C2orf92: variants seen among roughly 807,000 people sequenced by gnomAD.
C2orf92 encodes uncharacterized protein C2orf92.
At chr2:97,665,482 G>A (rs901111875), upstream of C2orf92, among the ~76,000 whole-genome samples, 1 of 152,016 alleles carries the variant, frequency 6.6e-6, no homozygotes, top group East Asian at 1.9e-4. Flanking sequence ...TTTATTGAAA[G>A]CTACTCAGTT....
chr2:97,693,226 CTGT>C (rs1372888324), intron 5 of C2orf92, among the ~76,000 whole-genome samples: 2 of 152,068 alleles, frequency 1.3e-5, no homozygotes, highest in South Asian at 2.1e-4. Flanking sequence ...ATCCATTTAT[CTGT>C]TGTTGGACAC....
exon 1 of C2orf92, chr2:97,664,399 C>G (rs932240588): frequency 2.0e-5 from 3 of 152,192 alleles, no homozygotes; most frequent in African/African-American, 7.2e-5. Context: ...CACGCTCCTT[C>G]GTGAGAGCGC....
chr2:97,699,800 T>C (rs1170163346), intron 6 of C2orf92, among the ~76,000 whole-genome samples: 3 of 152,218 alleles, frequency 2.0e-5, no homozygotes, highest in Non-Finnish European at 4.4e-5. Context: ...TGCCACTCCC[T>C]GTCAAAATTA....
chr2:97,670,574 A>G (rs1421537163), intron 1 of C2orf92: 1 of 151,902 alleles, frequency 6.6e-6, no homozygotes, highest in African/African-American at 2.4e-5. Flanking sequence ...ATTTATTGTT[A>G]TTATTTTTGA....
intron 3 of C2orf92, chr2:97,677,845 A>G (rs1417340208): frequency 6.6e-6 from 1 of 152,232 alleles, no homozygotes; most frequent in East Asian, 1.9e-4. Flanking sequence ...CAATGTATAA[A>G]TAAAATAATA....
At chr2:97,670,059 AG>A (rs1415494701) in intron 1 of C2orf92, 1 of 383,168 alleles carries the variant, frequency 2.6e-6, no homozygotes, top group Non-Finnish European at 4.6e-6. Context: ...GCTCTATAGG[AG>A]GGTGGCATAC....
upstream of C2orf92, chr2:97,666,833 ACT>A (rs1675247173): frequency 8.0e-6 from 1 of 124,954 alleles, no homozygotes; most frequent in South Asian, 2.5e-4. Flanking sequence ...ACAGAGCCAG[ACT>A]CTGTCTCAAA....
chr2:97,696,130 G>T (rs1039117589), intron 5 of C2orf92, among the ~76,000 whole-genome samples: 2 of 152,140 alleles, frequency 1.3e-5, no homozygotes, highest in African/African-American at 4.8e-5. Context: ...CAATCTAATC[G>T]GTAAATAACT....
At chr2:97,678,850 C>T (rs1325871579) in intron 3 of C2orf92, among the ~76,000 whole-genome samples, 3 of 149,160 alleles carry the variant, frequency 2.0e-5, no homozygotes, top group Admixed American at 6.7e-5. Context: ...TGATGGTGCA[C>T]ACCTGTAGTC....
At chr2:97,698,898 T>C (rs1318391158) in intron 5 of C2orf92, 128 bp from the exon 6 acceptor site, 3 of 394,614 alleles carry the variant, frequency 7.6e-6, no homozygotes, top group South Asian at 1.4e-4. Flanking sequence ...CTGTAGGACA[T>C]TTAGACTTTT....
At chr2:97,674,246 C>T (rs1258213278) in intron 1 of C2orf92, 7 of 367,476 alleles carry the variant, frequency 1.9e-5, no homozygotes, top group Non-Finnish European at 1.5e-5. Context: ...CTTTAGTGGG[C>T]GGTGTTTGCT....
intron 1 of C2orf92, chr2:97,671,591 G>C (rs1675413682): frequency 5.0e-6 from 2 of 398,120 alleles, no homozygotes; most frequent in Non-Finnish European, 8.9e-6. Flanking sequence ...TGTTCCCGCT[G>C]CTGTGAAGGG....
intron 3 of C2orf92, among the ~76,000 whole-genome samples, chr2:97,680,057 T>C (rs1675714872): frequency 6.6e-6 from 1 of 152,088 alleles, no homozygotes; most frequent in South Asian, 2.1e-4. Context: ...CCCAGTACTT[T>C]GGGAAGCCAA....
chr2:97,679,837 C>CAAAAAAAAAAAAAAAA (rs55696146), intron 3 of C2orf92, among the ~76,000 whole-genome samples: 12 of 94,616 alleles, frequency 1.3e-4, no homozygotes, highest in Non-Finnish European at 1.9e-4. Flanking sequence ...AACTCTATCT[C>CAAAAAAAAAAAAAAAA]AAAAAAAAAA....
chr2:97,664,026 G>C, upstream of C2orf92: 2 of 405,692 alleles, frequency 4.9e-6, no homozygotes, highest in Non-Finnish European at 7.9e-6. Context: ...CAGCCTACGC[G>C]AGCCCCGCGG....
intron 6 of C2orf92, 81 bp downstream of exon 6, chr2:97,699,217 T>C: frequency 2.5e-6 from 1 of 397,246 alleles, no homozygotes; most frequent in Non-Finnish European, 4.4e-6. Context: ...CCTTTCATGG[T>C]ATTTTAACTG....
intron 5 of C2orf92, among the ~76,000 whole-genome samples, chr2:97,693,203 C>A (rs1676197548): frequency 6.6e-6 from 1 of 152,050 alleles, no homozygotes; most frequent in East Asian, 1.9e-4. Context: ...TATATATATA[C>A]CATCTTTTCT....
chr2:97,679,929 G>A (rs771220625), intron 3 of C2orf92, among the ~76,000 whole-genome samples: 5 of 152,002 alleles, frequency 3.3e-5, no homozygotes, highest in Non-Finnish European at 5.9e-5. Context: ...CAGTAATGGG[G>A]GAATGACGAG....
Position 97,701,305 on chromosome 2 carries a change from G to A in C2orf92, c.665+1G>A. 2 of 399,010 alleles carry A rather than the reference G, an allele frequency of 5.0e-6. No homozygotes were observed. Among genetic ancestry groups the A allele is most frequent in the East Asian group, 3.6e-5 (1 of 28,076 alleles). 24.7% of individuals were successfully genotyped at this position (399,010 alleles called of 1,614,324 possible). On this transcript the variant is annotated splice_donor_variant, in intron 7 of 7. Coordinates refer to ENST00000627399, the MANE Select transcript of C2orf92 (RefSeq NM_001351368.2). LOFTEE classifies it high-confidence loss of function. ...CATACATCAGGAAGAAACAGCCATC[G>A]TGCGTGGTGCTGGCATAACCTTCCT...
Sources: gnomAD v4.1 joint callset for allele counts (sites outside exome capture counted in the v4.1 genomes callset) on GRCh38, gnomAD v4.1.1 for gene constraint, MANE v1.5 for transcripts, NCBI Gene and HGNC (gene_info 2026-07-23, HGNC 2026-07-21) for gene names.